Variants in HTR7 observed in about 807,000 individuals in gnomAD.
HTR7 encodes 5-HT-7.
HTR7 carries 16 observed loss-of-function variants against 34.0 expected under a neutral mutation model. That is an observed-to-expected ratio of 0.47 (90% confidence interval 0.32 to 0.71). HTR7 has a LOEUF of 0.71. Ranked by LOEUF, HTR7 falls within the 30% of genes least tolerant of loss-of-function variation. The pLI, the probability that HTR7 is intolerant of heterozygous loss-of-function variation, is 0.04. For missense variants in HTR7, 504 were observed against 625.5 expected, an observed-to-expected ratio of 0.81 and a Z score of 2.07; for synonymous variants, 265 against 260.2, an observed-to-expected ratio of 1.02 and a Z score of -0.18.
intron 1 of HTR7, among the ~76,000 whole-genome samples, chr10:90,824,492 GAA>G (rs530281209): frequency 6.6e-6 from 1 of 152,242 alleles, no homozygotes; most frequent in Admixed American, 6.5e-5. Flanking sequence ...GGGAAAAGCA[GAA>G]AAAAGAGTAA....
At chr10:90,743,483 G>T in intron 3 of HTR7, 110 bp downstream of exon 3, 1 of 872,490 alleles carries the variant, frequency 1.1e-6, no homozygotes, top group Non-Finnish European at 1.9e-6. Context: ...CCCAGCACAG[G>T]AGAGACAGTG....
At chr10:90,786,436 A>T (rs1845381973) in intron 1 of HTR7, among the ~76,000 whole-genome samples, 1 of 152,190 alleles carries the variant, frequency 6.6e-6, no homozygotes, top group African/African-American at 2.4e-5. Context: ...GCCTGAGCTA[A>T]CACTTCCACG....
At chr10:90,837,681 C>T (rs754306649) in intron 1 of HTR7, among the ~76,000 whole-genome samples, 2 of 152,236 alleles carry the variant, frequency 1.3e-5, no homozygotes, top group Non-Finnish European at 2.9e-5. Flanking sequence ...AAATGACTAA[C>T]ACAAACAATT....
intron 1 of HTR7, among the ~76,000 whole-genome samples, chr10:90,799,075 C>T (rs68143152): frequency 0.13 from 19,618 of 152,116 alleles, 1,567 homozygotes; most frequent in East Asian, 0.2. Flanking sequence ...TTTGCAAACC[C>T]TGCACTTAAT....
chr10:90,853,151 C>T (rs1846524836), intron 1 of HTR7, among the ~76,000 whole-genome samples: 1 of 151,954 alleles, frequency 6.6e-6, no homozygotes, highest in African/African-American at 2.4e-5. Flanking sequence ...AATCACTGTC[C>T]TGAATTTGGC....
rs116980907 is a variant in HTR7, at chr10:90,797,238, A to G, written c.540-47644T>C. 4.9e-3 allele frequency among the ~76,000 whole-genome samples: 748 copies of G among 152,166 alleles called. 1 individual carries two copies. The highest frequency in any genetic ancestry group is 8.8e-3 in the Non-Finnish European group (600 of 68,004). Reference sequence around the variant, plus strand: ...TTATCTTAAACACACTGAGTTTTAGAGCTGGAAGGGGCCTCAGAGACCAGT... The same window carrying G: ...TTATCTTAAACACACTGAGTTTTAGGGCTGGAAGGGGCCTCAGAGACCAGT... On this transcript the variant is annotated intron_variant, in intron 1 of 3. Coordinates refer to ENST00000336152, the MANE Select transcript of HTR7 (RefSeq NM_019859.4).
chr10:90,816,623 T>C (rs1220824709), intron 1 of HTR7, among the ~76,000 whole-genome samples: 1 of 152,224 alleles, frequency 6.6e-6, no homozygotes, highest in African/African-American at 2.4e-5. Context: ...TAATGTTATT[T>C]ATTTCCCCAT....
intron 1 of HTR7, among the ~76,000 whole-genome samples, chr10:90,845,394 C>T (rs998682389): frequency 4.6e-5 from 7 of 152,140 alleles, no homozygotes; most frequent in East Asian, 1.9e-4. Context: ...TAGTGAAATA[C>T]GTATGACCTT....
rs1220565600 is a variant in HTR7 at position 90,853,326 on chromosome 10, C to G, written c.539+3807G>C. ...TTTAAGACAGTGCCTCACTCTATTG[C>G]CCAGGCTAGAGTGCAGTGGTGTAAT... On this transcript the variant is annotated intron_variant, in intron 1 of 3. Transcript: ENST00000336152. Among the ~76,000 whole-genome samples, 4 of 147,594 alleles carry G rather than the reference C, an allele frequency of 2.7e-5. No individual in the cohort carries two copies. In the East Asian group the frequency reaches 7.9e-4, roughly 29 times the overall value.
intron 1 of HTR7, among the ~76,000 whole-genome samples, chr10:90,806,415 G>A (rs1364436285): frequency 2.0e-5 from 3 of 152,018 alleles, no homozygotes; most frequent in Non-Finnish European, 4.4e-5. Context: ...TGGCCAACAC[G>A]GTGAAACCCC....
intron 1 of HTR7, among the ~76,000 whole-genome samples, chr10:90,784,624 C>A (rs1845354492): frequency 6.6e-6 from 1 of 152,140 alleles, no homozygotes; most frequent in Non-Finnish European, 1.5e-5. Context: ...TGAATTACAA[C>A]TGAGCCAATA....
chr10:90,767,254 A>C (rs1845039597), intron 1 of HTR7, among the ~76,000 whole-genome samples: 1 of 152,226 alleles, frequency 6.6e-6, no homozygotes, highest in African/African-American at 2.4e-5. Flanking sequence ...GGTGGGGCCT[A>C]GGGGTAAACC....
At chr10:90,765,652 T>C (rs1302923838) in intron 1 of HTR7, among the ~76,000 whole-genome samples, 1 of 152,154 alleles carries the variant, frequency 6.6e-6, no homozygotes, top group Non-Finnish European at 1.5e-5. Flanking sequence ...TCTTAACATG[T>C]AGGTGTTTAT....
At chr10:90,845,281 T>C (rs1248440748) in intron 1 of HTR7, among the ~76,000 whole-genome samples, 1 of 152,182 alleles carries the variant, frequency 6.6e-6, no homozygotes, top group East Asian at 1.9e-4. Context: ...TTCGGAGAGT[T>C]GGCCAGAATA....
chr10:90,804,926 C>T (rs921379547), intron 1 of HTR7, among the ~76,000 whole-genome samples: 4 of 152,126 alleles, frequency 2.6e-5, no homozygotes. Flanking sequence ...TTGGGGAAAA[C>T]ATAAAAGTTG....
chr10:90,747,861 G>A (rs1179610892), intron 2 of HTR7, among the ~76,000 whole-genome samples: 3 of 152,110 alleles, frequency 2.0e-5, no homozygotes, highest in Non-Finnish European at 4.4e-5. Flanking sequence ...ACTTTCAAAC[G>A]TGAAGAAATC....
intron 1 of HTR7, among the ~76,000 whole-genome samples, chr10:90,851,036 G>C (rs1262292391): frequency 6.6e-6 from 1 of 151,506 alleles, no homozygotes; most frequent in East Asian, 2.0e-4. Context: ...CCCAAACAGG[G>C]TTAACAGTAA....
At chr10:90,822,401 T>C (rs1343497817) in intron 1 of HTR7, among the ~76,000 whole-genome samples, 1 of 152,134 alleles carries the variant, frequency 6.6e-6, no homozygotes, top group Non-Finnish European at 1.5e-5. Context: ...GAAAGATGAT[T>C]GAGGGTATCT....
intron 1 of HTR7, among the ~76,000 whole-genome samples, chr10:90,759,599 G>A (rs59371013): frequency 0.23 from 33,815 of 145,398 alleles, 4,124 homozygotes; most frequent in African/African-American, 0.32. Context: ...AGCTTGCAGT[G>A]AGCCGAGATT....
Sources: allele counts gnomAD v4.1 joint callset (sites outside exome capture counted in the v4.1 genomes callset), GRCh38; gene constraint gnomAD v4.1.1; transcripts MANE v1.5; gene names NCBI Gene and HGNC (gene_info 2026-07-23, HGNC 2026-07-21).